Variants in FILIP1 observed in about 807,000 individuals in gnomAD.
FILIP1 encodes the protein filamin-A-interacting protein 1.
In FILIP1, 61 loss-of-function variants were observed where a neutral mutation model predicts 102.1. The observed-to-expected ratio is 0.60, with a 90% CI of 0.49 to 0.74. FILIP1 has a LOEUF of 0.74. Among genes scored for constraint, FILIP1 ranks in the 30% least tolerant of loss-of-function variants. The probability of loss-of-function intolerance (pLI) is 0.00; values close to 1 mark genes in which losing one functional copy is unlikely to be tolerated. For synonymous variants in FILIP1, 491 were observed against 526.9 expected (o/e 0.93, Z 0.93); for missense variants, 1,314 against 1,441.2 (o/e 0.91, Z 1.43).
intron 2 of FILIP1, among the ~76,000 whole-genome samples, chr6:75,411,876 T>G (rs1777082952): frequency 6.6e-6 from 1 of 152,204 alleles, no homozygotes; most frequent in Non-Finnish European, 1.5e-5. Context: ...TTCTTTTTGC[T>G]TAGGATTGTC....
chr6:75,456,745 A>T (rs1368516968), intron 1 of FILIP1, among the ~76,000 whole-genome samples: 1 of 151,996 alleles, frequency 6.6e-6, no homozygotes, highest in Non-Finnish European at 1.5e-5. Context: ...TTTTTAGTAG[A>T]GACGGGGTTT....
intron 1 of FILIP1, among the ~76,000 whole-genome samples, chr6:75,463,687 C>T (rs1372889607): frequency 6.6e-6 from 1 of 152,152 alleles, no homozygotes; most frequent in Non-Finnish European, 1.5e-5. Context: ...ATAGTAAAAG[C>T]ATTATGAAAG....
chr6:75,346,358 T>C (rs1424299374), intron 4 of FILIP1, among the ~76,000 whole-genome samples: 2 of 152,092 alleles, frequency 1.3e-5, no homozygotes, highest in Non-Finnish European at 2.9e-5. Context: ...CTTTAAAGAG[T>C]CTTTAATCAG....
intron 1 of FILIP1, among the ~76,000 whole-genome samples, chr6:75,445,516 C>T (rs1778417535): frequency 6.6e-6 from 1 of 152,120 alleles, no homozygotes. Context: ...AACTTAGCTG[C>T]TTCTTTTCTT....
Position 75,314,405 on chromosome 6 carries a change from C to T in FILIP1, c.1427G>A (p.Arg476Gln), listed in dbSNP as rs757783831. Reference sequence around the variant, plus strand: ...TTCAGAACATTCCAATTCTTTAACTCGACTCTTGACCACCTCCAATTCATT... The same window carrying T: ...TTCAGAACATTCCAATTCTTTAACTTGACTCTTGACCACCTCCAATTCATT... ...LLNELEVVKS[R>Q]VKELECSESR... The change falls in exon 5 of 6, where the codon CGA (arginine) becomes CAA (glutamine). Residue 476 changes from arginine (R) to glutamine (Q), a missense_variant. Coordinates refer to ENST00000237172, the MANE Select transcript of FILIP1 (RefSeq NM_015687.5). 52 of 1,537,822 alleles carry T rather than the reference C, an allele frequency of 3.4e-5. No homozygotes were observed. The highest frequency in any genetic ancestry group is 1.8e-4 in the Middle Eastern group (1 of 5,694).
intron 1 of FILIP1, among the ~76,000 whole-genome samples, chr6:75,426,014 C>T (rs966123234): frequency 1.3e-5 from 2 of 151,448 alleles, no homozygotes; most frequent in Non-Finnish European, 2.9e-5. Flanking sequence ...GCAGGCCATA[C>T]GGTCTCTGTT....
At chr6:75,349,111 A>T (rs1459489673) in intron 4 of FILIP1, among the ~76,000 whole-genome samples, 1 of 152,184 alleles carries the variant, frequency 6.6e-6, no homozygotes, top group African/African-American at 2.4e-5. Context: ...AGAATGAGGG[A>T]TTTGAAAGGG....
At chr6:75,439,416 G>A (rs576347177) in intron 1 of FILIP1, among the ~76,000 whole-genome samples, 1 of 152,148 alleles carries the variant, frequency 6.6e-6, no homozygotes, top group Non-Finnish European at 1.5e-5. Context: ...CATGATTGGA[G>A]TGTGCAAACA....
chr6:75,402,598 T>C (rs1776696802), intron 2 of FILIP1, among the ~76,000 whole-genome samples: 1 of 152,168 alleles, frequency 6.6e-6, no homozygotes, highest in Non-Finnish European at 1.5e-5. Flanking sequence ...ATGGAACTCA[T>C]TTAGAAAAAG....
At chr6:75,362,494 T>A (rs926313424) in intron 3 of FILIP1, among the ~76,000 whole-genome samples, 1 of 152,226 alleles carries the variant, frequency 6.6e-6, no homozygotes, top group African/African-American at 2.4e-5. Flanking sequence ...TGCAAGAGCA[T>A]GTAACTATCA....
intron 2 of FILIP1, 72 bp from the exon 3 acceptor site, chr6:75,362,989 G>A: frequency 6.8e-7 from 1 of 1,462,556 alleles, no homozygotes; most frequent in South Asian, 1.2e-5. Context: ...AAAATCAACA[G>A]AGAGCTTATT....
intron 2 of FILIP1, among the ~76,000 whole-genome samples, chr6:75,387,201 T>C (rs963969760): frequency 2.4e-4 from 37 of 152,188 alleles, no homozygotes; most frequent in African/African-American, 8.9e-4. Flanking sequence ...CATGAACCCA[T>C]TCTTTTTTAT....
In FILIP1 at chr6:75,372,728, GAGAAAGAAAGAAAGAA is replaced by G. The variant is rs71002736; in HGVS notation, c.277-9827_277-9812del. Among the ~76,000 whole-genome samples the G allele has an allele frequency of 3.2e-3, 199 of 61,410 alleles. 4 individuals carry two copies. Among genetic ancestry groups the G allele is most frequent in the East Asian group, 0.011 (21 of 1,982 alleles). 40.3% of individuals were successfully genotyped at this position (61,410 alleles called of 152,430 possible). On this transcript the variant is annotated intron_variant, in intron 2 of 5. Transcript: ENST00000237172. Reference sequence around the variant, plus strand: ...AAGAAAGAAAGGAAAGAAAGAGAAAGAGAAAGAAAGAAAGAAAGAAAGAAAGAAAGAAAGAAAGAAA... The same window carrying G: ...AAGAAAGAAAGGAAAGAAAGAGAAAGAGAAAGAAAGAAAGAAAGAAAGAAA...
intron 1 of FILIP1, chr6:75,465,188 A>G: frequency 5.2e-6 from 1 of 190,526 alleles, no homozygotes; most frequent in Non-Finnish European, 1.1e-5. Flanking sequence ...CATTGGAAGA[A>G]CTCAAAGAAG....
At chr6:75,418,651 T>C (rs1777350754) in intron 1 of FILIP1, among the ~76,000 whole-genome samples, 1 of 152,142 alleles carries the variant, frequency 6.6e-6, no homozygotes, top group South Asian at 2.1e-4. Context: ...GGTGTGTAGA[T>C]AGCATTTTCT....
intron 1 of FILIP1, among the ~76,000 whole-genome samples, chr6:75,436,574 T>C (rs2149714343): frequency 6.6e-6 from 1 of 152,250 alleles, no homozygotes; most frequent in Non-Finnish European, 1.5e-5. Flanking sequence ...AAATCAATAA[T>C]TATACGGTGG....
At chr6:75,319,003 T>TG in intron 4 of FILIP1, 1 of 651,846 alleles carries the variant, frequency 1.5e-6, no homozygotes, top group Non-Finnish European at 2.7e-6. Context: ...TTTATAGACA[T>TG]GAAAAAAAAC....
chr6:75,411,577 C>T (rs560809381), intron 2 of FILIP1, among the ~76,000 whole-genome samples: 13 of 151,956 alleles, frequency 8.6e-5, no homozygotes, highest in South Asian at 8.3e-4. Context: ...TTTAATCCAT[C>T]GAGTTAATTT....
chr6:75,366,346 A>G (rs993637114), intron 2 of FILIP1, among the ~76,000 whole-genome samples: 3 of 152,236 alleles, frequency 2.0e-5, no homozygotes, highest in African/African-American at 7.2e-5. Context: ...GCACAAGTTT[A>G]CATGGCTTGA....
Sources: allele counts gnomAD v4.1 joint callset (sites outside exome capture counted in the v4.1 genomes callset), GRCh38; gene constraint gnomAD v4.1.1; transcripts MANE v1.5; gene names NCBI Gene and HGNC (gene_info 2026-07-23, HGNC 2026-07-21).